RUNX1T1: variants seen among roughly 807,000 people sequenced by gnomAD.
RUNX1T1 encodes the protein RUNX1 partner transcriptional co-repressor 1, also known as protein CBFA2T1.
RUNX1T1 carries 4 observed loss-of-function variants against 62.8 expected under a neutral mutation model. The observed-to-expected ratio is 0.06, with a 90% confidence interval of 0.03 to 0.15. The LOEUF (loss-of-function observed/expected upper bound fraction) is 0.15. RUNX1T1 is among the 10% of genes least tolerant of loss of function. The probability of loss-of-function intolerance (pLI) is 1.00; values close to 1 mark genes in which losing one functional copy is unlikely to be tolerated. For synonymous variants in RUNX1T1, 291 were observed against 286.0 expected, an observed-to-expected ratio of 1.02 and a Z score of -0.18; for missense variants, 508 against 754.3, an observed-to-expected ratio of 0.67 and a Z score of 3.82.
intron 1 of RUNX1T1, among the ~76,000 whole-genome samples, chr8:92,021,533 C>T (rs566996733): frequency 2.1e-4 from 32 of 152,246 alleles, no homozygotes; most frequent in African/African-American, 7.5e-4. Context: ...TGAAATGACA[C>T]AGTGGGATAC....
intron 8 of RUNX1T1, among the ~76,000 whole-genome samples, chr8:91,985,571 G>A (rs1054290266): frequency 6.6e-5 from 10 of 152,248 alleles, no homozygotes; most frequent in African/African-American, 2.2e-4. Flanking sequence ...TAAAATAGCT[G>A]TAGGCAAAAT....
Position 92,094,844 on chromosome 8 carries a change from T to C in RUNX1T1, c.-86+4736A>G, listed in dbSNP as rs527449643. Among the ~76,000 whole-genome samples the C allele has an allele frequency of 1.1e-4, 16 of 152,304 alleles. No homozygotes were observed. In the South Asian group the frequency reaches 3.3e-3, roughly 32 times the overall value. ...TCCTTCCACCAAAAGAGAGACAGTC[T>C]CACCTTAAAATAAAAATGAACTAAT... is the stretch of plus-strand genomic sequence containing the variant. On this transcript the variant is annotated intron_variant, in intron 1 of 11. Coordinates refer to the RUNX1T1 transcript ENST00000265814.
At chr8:91,959,540 T>C (rs1382303666) in exon 11 of RUNX1T1, 1 of 209,752 alleles carries the variant, frequency 4.8e-6, no homozygotes, top group Admixed American at 6.0e-5. Flanking sequence ...TATGGCATTT[T>C]TTTTTCTTGC....
chr8:92,101,853 G>A (rs1296315433), upstream of RUNX1T1, among the ~76,000 whole-genome samples: 2 of 152,204 alleles, frequency 1.3e-5, no homozygotes, highest in Non-Finnish European at 2.9e-5. Context: ...CGGGAAAGAG[G>A]TCTGGGTGCG....
intron 10 of RUNX1T1, among the ~76,000 whole-genome samples, chr8:91,961,831 A>G (rs1410362151): frequency 1.3e-5 from 2 of 152,208 alleles, no homozygotes; most frequent in African/African-American, 4.8e-5. Flanking sequence ...ATGTCCTTGA[A>G]AAACAAACTT....
intron 1 of RUNX1T1, among the ~76,000 whole-genome samples, chr8:92,051,339 C>G (rs181865337): frequency 3.7e-4 from 57 of 152,138 alleles, no homozygotes; most frequent in Admixed American, 3.6e-3. Context: ...AGTGTTCAAT[C>G]TATAGGAGGA....
chr8:91,973,159 A>G lies in RUNX1T1; in HGVS notation c.1268-2311T>C, dbSNP rs1586753313. 2.6e-5 allele frequency among the ~76,000 whole-genome samples: 4 copies of G among 152,082 alleles called. No homozygotes were observed. In the South Asian group the frequency reaches 8.3e-4, roughly 31 times the overall value. On this transcript the variant is annotated intron_variant, in intron 9 of 10. Transcript: ENST00000396218. ...GGTAACTGTACTGAAGTTATGTAGA[A>G]TATTCTTGTTCTTGGTAAACTGACA...
At chr8:92,014,322 T>TA (rs1159493381) in intron 3 of RUNX1T1, among the ~76,000 whole-genome samples, 1 of 152,026 alleles carries the variant, frequency 6.6e-6, no homozygotes, top group Non-Finnish European at 1.5e-5. Context: ...TATAACATGT[T>TA]TATGGCCAAT....
intron 1 of RUNX1T1, among the ~76,000 whole-genome samples, chr8:92,038,626 A>G (rs2131375300): frequency 6.6e-6 from 1 of 152,288 alleles, no homozygotes; most frequent in African/African-American, 2.4e-5. Context: ...CAAGAAAGTC[A>G]TCCAGTAAAA....
chr8:91,998,488 T>C (rs1819135791), intron 5 of RUNX1T1, among the ~76,000 whole-genome samples: 1 of 152,106 alleles, frequency 6.6e-6, no homozygotes, highest in Non-Finnish European at 1.5e-5. Flanking sequence ...TGCTAATACC[T>C]TTAGAAGTAA....
At chr8:91,976,895 AACTT>A (rs1814086072) in intron 8 of RUNX1T1, among the ~76,000 whole-genome samples, 1 of 152,204 alleles carries the variant, frequency 6.6e-6, no homozygotes, top group Admixed American at 6.5e-5. Flanking sequence ...ACTTTTATAA[AACTT>A]AATTAATAAG....
chr8:92,097,161 C>T (rs577249057), intron 1 of RUNX1T1, among the ~76,000 whole-genome samples: 3 of 152,246 alleles, frequency 2.0e-5, no homozygotes, highest in East Asian at 3.9e-4. Context: ...AATCCAATAA[C>T]GTGGAAAACC....
intron 1 of RUNX1T1, among the ~76,000 whole-genome samples, chr8:92,035,893 A>G (rs556029384): frequency 6.6e-6 from 1 of 152,312 alleles, no homozygotes; most frequent in East Asian, 1.9e-4. Flanking sequence ...ACCTAGAACC[A>G]TAAAATTCTG....
At chr8:91,970,170 G>A (rs1812524459) in intron 10 of RUNX1T1, among the ~76,000 whole-genome samples, 1 of 152,090 alleles carries the variant, frequency 6.6e-6, no homozygotes, top group South Asian at 2.1e-4. Flanking sequence ...AGTACAGACT[G>A]TCTCTAAGAT....
intron 1 of RUNX1T1, among the ~76,000 whole-genome samples, chr8:92,034,817 C>T (rs1563811283): frequency 0.014 from 1,600 of 110,786 alleles, 63 homozygotes; most frequent in African/African-American, 0.059. Context: ...CACACACACA[C>T]ACACACACAC....
chr8:92,083,066 T>C (rs1358146580), intron 1 of RUNX1T1, among the ~76,000 whole-genome samples: 2 of 152,178 alleles, frequency 1.3e-5, no homozygotes, highest in Non-Finnish European at 2.9e-5. Flanking sequence ...ACATAAAATT[T>C]TGCTTATAAT....
intron 1 of RUNX1T1, among the ~76,000 whole-genome samples, chr8:92,046,646 G>A (rs1829457887): frequency 6.6e-6 from 1 of 152,192 alleles, no homozygotes; most frequent in African/African-American, 2.4e-5. Context: ...CTACAGGTGT[G>A]AGCCACAGTG....
upstream of RUNX1T1, chr8:92,102,936 C>CGCGGGGCG: frequency 1.3e-6 from 2 of 1,503,552 alleles, no homozygotes; most frequent in South Asian, 2.5e-5. This position sits in a 1 kb window ranked among gnomAD's most constrained non-coding sequence, Gnocchi z 4.5. Flanking sequence ...TCGGCCGGCC[C>CGCGGGGCG]GCGGGGCGAC....
intron 9 of RUNX1T1, among the ~76,000 whole-genome samples, chr8:91,972,847 A>G (rs1813134075): frequency 6.6e-6 from 1 of 152,092 alleles, no homozygotes; most frequent in African/African-American, 2.4e-5. Flanking sequence ...ATCATGTAAA[A>G]AGAAATATAC....
Sources: allele counts gnomAD v4.1 joint callset (sites outside exome capture counted in the v4.1 genomes callset), GRCh38; gene constraint gnomAD v4.1.1; non-coding constraint Gnocchi (gnomAD v3.1); transcripts MANE v1.5; gene names NCBI Gene and HGNC (gene_info 2026-07-23, HGNC 2026-07-21).